RORA: variants seen among roughly 807,000 people sequenced by gnomAD.
RORA encodes the protein RAR related orphan receptor A.
RORA carries 7 observed loss-of-function variants against 69.5 expected under a neutral mutation model. The ratio of observed to expected loss-of-function variants is 0.10; its 90% confidence interval spans 0.06 to 0.19. The LOEUF (loss-of-function observed/expected upper bound fraction) is 0.19. RORA is among the 10% of genes least tolerant of loss of function. RORA has a pLI of 1.00. For missense variants in RORA, 457 were observed against 663.0 expected, an observed-to-expected ratio of 0.69 and a Z score of 3.41; for synonymous variants, 261 against 240.8, an observed-to-expected ratio of 1.08 and a Z score of -0.78.
At position 60,740,412 on chromosome 15, in the gene RORA, C is replaced by T. The variant is rs544837677; in HGVS notation, c.167-61726G>A. Among the ~76,000 whole-genome samples, 15 of 152,304 alleles carry T rather than the reference C, an allele frequency of 9.8e-5. No individual in the cohort carries two copies. The East Asian group carries it at 1.4e-3, about 14-fold the overall frequency. The stretch of plus-strand genomic sequence containing the variant: ...CCAGCTCATTCGCAGACACAGAATT[C>T]GGTCTGGCAAAACCATTCACAGTCC... On this transcript the variant is annotated intron_variant, in intron 1 of 10. Transcript: ENST00000335670.
intron 2 of RORA, among the ~76,000 whole-genome samples, chr15:60,609,684 GA>G (rs553295267): frequency 1.3e-4 from 20 of 152,160 alleles, no homozygotes; most frequent in Non-Finnish European, 2.9e-4. Context: ...TGATAAAAAT[GA>G]AATCATGATA....
intron 2 of RORA, among the ~76,000 whole-genome samples, chr15:60,629,325 T>C (rs1567133223): frequency 6.6e-6 from 1 of 151,828 alleles, no homozygotes; most frequent in Non-Finnish European, 1.5e-5. Context: ...TAGCTGGGAT[T>C]ATAGGCATGC....
chr15:60,924,209 G>A (rs565734840), intron 1 of RORA, among the ~76,000 whole-genome samples: 47 of 151,754 alleles, frequency 3.1e-4, no homozygotes, highest in African/African-American at 6.0e-4. Flanking sequence ...ACTTTTCTGA[G>A]GCAGAAGATG....
chr15:60,866,931 T>C lies in RORA; in HGVS notation c.167-188245A>G, dbSNP rs1360588925. ...TCCAGGCTGGAGGGCAGTGGTGCGA[T>C]CTTGGCTCACTGTAACCACTGCCTG... On this transcript the variant is annotated intron_variant, in intron 1 of 10. Coordinates refer to ENST00000335670, the MANE Select transcript of RORA (RefSeq NM_134261.3). 3.9e-5 allele frequency among the ~76,000 whole-genome samples: 6 copies of C among 152,146 alleles called. No individual in the cohort carries two copies. The East Asian group carries it at 1.2e-3, about 29-fold the overall frequency.
intron 1 of RORA, among the ~76,000 whole-genome samples, chr15:61,140,529 G>C (rs1001800932): frequency 1.3e-5 from 2 of 152,100 alleles, no homozygotes; most frequent in African/African-American, 4.8e-5. Context: ...CCCCGATCCA[G>C]AGCAATGGAA....
chr15:60,680,411 A>G (rs941331863), intron 1 of RORA, among the ~76,000 whole-genome samples: 4 of 152,156 alleles, frequency 2.6e-5, no homozygotes, highest in Non-Finnish European at 5.9e-5. Context: ...TTCTACTTAA[A>G]TTTATTATAC....
intron 1 of RORA, among the ~76,000 whole-genome samples, chr15:60,785,458 AAG>A (rs2072321375): frequency 6.6e-6 from 1 of 152,228 alleles, no homozygotes; most frequent in African/African-American, 2.4e-5. Flanking sequence ...TAAAAAGGAA[AAG>A]AGAGAGTTGT....
At chr15:60,569,662 G>C (rs2067821421) in intron 2 of RORA, among the ~76,000 whole-genome samples, 1 of 152,136 alleles carries the variant, frequency 6.6e-6, no homozygotes, top group Admixed American at 6.5e-5. Flanking sequence ...TGAAATAGCA[G>C]TCACTCCCTT....
intron 1 of RORA, among the ~76,000 whole-genome samples, chr15:61,120,492 G>C (rs1382359254): frequency 6.6e-6 from 1 of 152,018 alleles, no homozygotes; most frequent in Non-Finnish European, 1.5e-5. Context: ...AACTTCAGGA[G>C]ATCGAGACCA....
chr15:60,978,823 G>A (rs1314279377), intron 1 of RORA, among the ~76,000 whole-genome samples: 3 of 152,174 alleles, frequency 2.0e-5, no homozygotes, highest in African/African-American at 7.2e-5. Flanking sequence ...GACCATACAT[G>A]TATGTATTTC....
At chr15:60,902,898 C>T (rs993127308) in intron 1 of RORA, among the ~76,000 whole-genome samples, 9 of 152,156 alleles carry the variant, frequency 5.9e-5, no homozygotes, top group African/African-American at 1.9e-4. Context: ...GGGCGTACTC[C>T]GCTGAAAGGA....
At chr15:60,710,750 T>C (rs1006164578) in intron 1 of RORA, among the ~76,000 whole-genome samples, 1 of 152,160 alleles carries the variant, frequency 6.6e-6, no homozygotes, top group African/African-American at 2.4e-5. Flanking sequence ...TGGTGGGCTT[T>C]CTGGACAGCT....
chr15:60,783,024 G>T (rs1567189255), intron 1 of RORA, among the ~76,000 whole-genome samples: 1 of 152,260 alleles, frequency 6.6e-6, no homozygotes, highest in East Asian at 1.9e-4. Flanking sequence ...TACACAAATT[G>T]TACTACTGCC....
chr15:60,755,018 C>CA (rs2071777682), intron 1 of RORA, among the ~76,000 whole-genome samples: 1 of 149,752 alleles, frequency 6.7e-6, no homozygotes, highest in African/African-American at 2.5e-5. Context: ...AGTTTTAGGG[C>CA]ACATGTGCAC....
rs1458805517 is a variant in RORA at position 60,841,562 on chromosome 15, G to A, written c.167-162876C>T. ...CTTCTGACATTGCACAGGAAAGGAA[G>A]AGTAAAAATGCTATTGAGAAAGACC... On this transcript the variant is annotated intron_variant, in intron 1 of 10. Coordinates refer to ENST00000335670, the MANE Select transcript of RORA (RefSeq NM_134261.3). Among the ~76,000 whole-genome samples the A allele has an allele frequency of 3.9e-5, 6 of 152,226 alleles. No homozygotes were observed. The East Asian group carries it at 9.6e-4, about 24-fold the overall frequency.
rs1365288213 is a variant in RORA at position 60,883,148 on chromosome 15, A to AG, written c.167-204463_167-204462insC. Among the ~76,000 whole-genome samples, 164 of 39,018 alleles carry AG rather than the reference A, an allele frequency of 4.2e-3. 3 individuals carry two copies. Among genetic ancestry groups the AG allele is most frequent in the African/African-American group, 0.012 (156 of 13,468 alleles). 25.6% of individuals were successfully genotyped at this position (39,018 alleles called of 152,430 possible). A position where few individuals can be genotyped will look rare whatever the true frequency, so the allele number is the denominator to read the frequency against. ...ATCGTCTCAAAAAAAAAAAAAAAAA[A>AG]AAAGAAAGAGAGAGAGAGAGAGAGA... On this transcript the variant is annotated intron_variant, in intron 1 of 10. Transcript: ENST00000335670.
intron 1 of RORA, among the ~76,000 whole-genome samples, chr15:61,088,809 T>C (rs775535801): frequency 6.6e-6 from 1 of 152,104 alleles, no homozygotes; most frequent in Non-Finnish European, 1.5e-5. Flanking sequence ...TAAAGTCTCC[T>C]CCATCATCAC....
At chr15:60,671,069 T>G (rs1277671690) in intron 2 of RORA, among the ~76,000 whole-genome samples, 1 of 19,398 alleles carries the variant, frequency 5.2e-5, no homozygotes, top group African/African-American at 1.4e-4. Flanking sequence ...ATCCCATTGA[T>G]ATATATATAT....
rs1406776280 is a variant in RORA at position 60,511,556 on chromosome 15, G to A, written c.490C>T (p.Arg164Trp). The change falls in exon 5 of 11, where the codon CGG becomes TGG. Residue 164 changes from arginine (R) to tryptophan (W), a missense_variant. Physicochemically the swap from Arg to Trp is moderately radical, Grantham distance 101. Transcript: ENST00000335670. The surrounding 1 kb of genome is among the most constrained non-coding windows in gnomAD (Gnocchi z 6.4). ...DSLYAEVQKH[R>W]MQQQQRDHQQ... ...TGGTCGCGCTGCTGCTGCTGCATCC[G>A]GTGTTTCTGTACTTCTGCATACAAG... 6.2e-6 allele frequency: 10 copies of A among 1,613,914 alleles called. No individual in the cohort carries two copies. The highest frequency in any genetic ancestry group is 1.1e-5 in the South Asian group (1 of 91,062).
Sources: gnomAD v4.1 joint callset for allele counts (sites outside exome capture counted in the v4.1 genomes callset) on GRCh38, gnomAD v4.1.1 for gene constraint, Gnocchi (gnomAD v3.1) non-coding constraint, MANE v1.5 for transcripts, NCBI Gene and HGNC (gene_info 2026-07-23, HGNC 2026-07-21) for gene names.